TBC1D1: variants seen among roughly 807,000 people sequenced by gnomAD.
The protein encoded by TBC1D1 is TBC1 domain family member 1.
Under a neutral mutation model 125.6 loss-of-function variants are expected in TBC1D1, and 89 were observed. That is an observed-to-expected ratio of 0.71 (90% CI 0.60 to 0.85). The LOEUF (loss-of-function observed/expected upper bound fraction) is 0.85, where lower values mean the gene tolerates loss of function less well. Among genes scored for constraint, TBC1D1 ranks in the 40% least tolerant of loss-of-function variants. The pLI is 0.00. For synonymous variants in TBC1D1, 565 were observed against 564.1 expected, an observed-to-expected ratio of 1.00 and a Z score of -0.02; for missense variants, 1,377 against 1,469.2, an observed-to-expected ratio of 0.94 and a Z score of 1.03.
chr4:37,897,005 G>C (rs768270318), intron 1 of TBC1D1, among the ~76,000 whole-genome samples: 4 of 152,064 alleles, frequency 2.6e-5, no homozygotes, highest in African/African-American at 9.7e-5. Flanking sequence ...GGGATAGGGC[G>C]TGTACACAGA....
intron 12 of TBC1D1, among the ~76,000 whole-genome samples, chr4:38,065,362 G>T (rs1448409037): frequency 6.6e-6 from 1 of 152,178 alleles, no homozygotes; most frequent in East Asian, 1.9e-4. Context: ...TGCTGGAGAT[G>T]AATTATCTTG....
chr4:37,979,629 C>A (rs796382329), intron 2 of TBC1D1, among the ~76,000 whole-genome samples: 6 of 152,342 alleles, frequency 3.9e-5, no homozygotes, highest in African/African-American at 1.4e-4. Context: ...GAGCACAGGC[C>A]TCACACAAAC....
rs62298464 is a variant in TBC1D1, at chr4:37,944,436, G to T, written c.417+41924G>T. Among the ~76,000 whole-genome samples the T allele has an allele frequency of 7.3e-3, 1,116 of 152,308 alleles. 9 individuals carry two copies. The highest frequency in any genetic ancestry group is 0.024 in the Middle Eastern group (7 of 294). ...CAGCTATGCCCTGCCTCCAGAGGTG[G>T]AGTCTACAGAGGCAGGCAGGCATCC... On this transcript the variant is annotated intron_variant, in intron 2 of 19. Coordinates refer to ENST00000261439, the MANE Select transcript of TBC1D1 (RefSeq NM_015173.4).
At chr4:38,135,952 G>GTGTGTA (rs386356844) in intron 19 of TBC1D1, among the ~76,000 whole-genome samples, 14 of 133,422 alleles carry the variant, frequency 1.0e-4, no homozygotes, top group South Asian at 2.4e-4. Context: ...GTGTGTGTGT[G>GTGTGTA]TATATATGTG....
At chr4:37,898,588 T>G (rs1715135772) in intron 1 of TBC1D1, among the ~76,000 whole-genome samples, 1 of 152,234 alleles carries the variant, frequency 6.6e-6, no homozygotes, top group Non-Finnish European at 1.5e-5. Flanking sequence ...TAAACTCAGC[T>G]GCCTTTCCTG....
At chr4:38,011,723 A>G (rs1374864668) in intron 2 of TBC1D1, among the ~76,000 whole-genome samples, 1 of 152,216 alleles carries the variant, frequency 6.6e-6, no homozygotes, top group Admixed American at 6.5e-5. Flanking sequence ...CAGAGCAAGG[A>G]GAGAGAGACT....
intron 15 of TBC1D1, chr4:38,112,018 A>G (rs1762277771): frequency 2.0e-6 from 2 of 985,490 alleles, no homozygotes; most frequent in Middle Eastern, 5.2e-4. Context: ...TAGCTTGGCC[A>G]GTTTCATGCA....
At chr4:38,047,171 C>T (rs1384667340) in intron 10 of TBC1D1, among the ~76,000 whole-genome samples, 4 of 152,052 alleles carry the variant, frequency 2.6e-5, no homozygotes, top group Admixed American at 2.6e-4. Context: ...TCAGTTGTAC[C>T]ACCTACTAAC....
At chr4:38,071,731 GTTC>G (rs900466290) in intron 12 of TBC1D1, among the ~76,000 whole-genome samples, 1 of 152,174 alleles carries the variant, frequency 6.6e-6, no homozygotes, top group Non-Finnish European at 1.5e-5. Flanking sequence ...AGGGTGAAAA[GTTC>G]TTCTGTTTGC....
chr4:38,014,645 A>C lies in TBC1D1; in HGVS notation c.554A>C (p.His185Pro), dbSNP rs746886276. The change falls in exon 3 of 20, where the codon CAC (histidine) becomes CCC (proline). Residue 185 changes from histidine (H) to proline (P), a missense_variant. Physicochemically the swap from His to Pro is moderately conservative, Grantham distance 77. Around this residue, in one of 3 missense-constraint regions of TBC1D1, gnomAD observed 822 missense variants for 824.6 expected, o/e 1.00. Coordinates refer to ENST00000261439, the MANE Select transcript of TBC1D1 (RefSeq NM_015173.4). This position sits in a 1 kb window ranked among gnomAD's most constrained non-coding sequence, Gnocchi z 5.1. ...TTCTGCGGCCGCGTGACGGTGGCGCACAAGAAGGCTCCGCCGGCCCTGATC... is the reference window on the plus strand; with the variant it reads ...TTCTGCGGCCGCGTGACGGTGGCGCCCAAGAAGGCTCCGCCGGCCCTGATC... 37 of 1,613,172 alleles carry C rather than the reference A, an allele frequency of 2.3e-5. 1 individual carries two copies. The South Asian group carries it at 3.8e-4, about 17-fold the overall frequency.
At chr4:37,938,529 A>G (rs1225872919) in intron 2 of TBC1D1, among the ~76,000 whole-genome samples, 2 of 152,134 alleles carry the variant, frequency 1.3e-5, no homozygotes, top group East Asian at 3.9e-4. Flanking sequence ...ATTTTATTTT[A>G]TTTTATGTTT....
At chr4:38,006,155 C>A (rs918162313) in intron 2 of TBC1D1, among the ~76,000 whole-genome samples, 11 of 151,686 alleles carry the variant, frequency 7.3e-5, no homozygotes, top group African/African-American at 2.4e-4. Flanking sequence ...ATTAAATCTC[C>A]TTTTTTATGG....
intron 2 of TBC1D1, among the ~76,000 whole-genome samples, chr4:37,986,164 G>A (rs1735408683): frequency 6.6e-6 from 1 of 152,174 alleles, no homozygotes; most frequent in Non-Finnish European, 1.5e-5. Context: ...GTAGGATTTA[G>A]TAATGTAATT....
intron 12 of TBC1D1, among the ~76,000 whole-genome samples, chr4:38,076,655 AGAGAAGATAT>A (rs1222378238): frequency 6.6e-6 from 1 of 152,218 alleles, no homozygotes; most frequent in Non-Finnish European, 1.5e-5. Flanking sequence ...AATAGACCAG[AGAGAAGATAT>A]GAAAATATCA....
At chr4:38,108,554 A>C (rs1761714371) in intron 15 of TBC1D1, among the ~76,000 whole-genome samples, 1 of 152,160 alleles carries the variant, frequency 6.6e-6, no homozygotes, top group African/African-American at 2.4e-5. Flanking sequence ...CCATTTTTTG[A>C]TGGGCTTCTA....
At chr4:38,089,096 G>T (rs188705143) in intron 12 of TBC1D1, among the ~76,000 whole-genome samples, 2 of 152,260 alleles carry the variant, frequency 1.3e-5, no homozygotes, top group East Asian at 1.9e-4. Context: ...GAAACATTTG[G>T]ATTATAGTGG....
chr4:37,916,964 T>C (rs1167434897), intron 2 of TBC1D1, among the ~76,000 whole-genome samples: 1 of 151,738 alleles, frequency 6.6e-6, no homozygotes, highest in African/African-American at 2.4e-5. Flanking sequence ...AGACACGGGA[T>C]TTCACCATGT....
chr4:38,004,404 C>G (rs1739666649), intron 2 of TBC1D1, among the ~76,000 whole-genome samples: 1 of 152,190 alleles, frequency 6.6e-6, no homozygotes, highest in Admixed American at 6.5e-5. Context: ...GCAGTCCTGG[C>G]AGTTTATGCA....
At chr4:37,916,872 G>T (rs1383713144) in intron 2 of TBC1D1, among the ~76,000 whole-genome samples, 2 of 152,112 alleles carry the variant, frequency 1.3e-5, no homozygotes, top group African/African-American at 4.8e-5. Context: ...CCGGGGTCAA[G>T]ATATTCTCCA....
Sources: gnomAD v4.1 joint callset for allele counts (sites outside exome capture counted in the v4.1 genomes callset) on GRCh38, gnomAD v4.1.1 for gene constraint, gnomAD v4.1.1 regional missense constraint, Gnocchi (gnomAD v3.1) non-coding constraint, MANE v1.5 for transcripts, NCBI Gene and HGNC (gene_info 2026-07-23, HGNC 2026-07-21) for gene names.